The following ANPEP variants were observed in gnomAD, a reference collection of about 807,000 sequenced individuals.
ANPEP encodes the protein alanyl aminopeptidase, membrane.
ANPEP carries 70 observed loss-of-function variants against 114.6 expected under a neutral mutation model. That is an observed-to-expected ratio of 0.61 (90% CI 0.50 to 0.75). The LOEUF is 0.75. ANPEP is among the 30% of genes least tolerant of loss of function. The pLI, the probability that ANPEP is intolerant of heterozygous loss-of-function variation, is 0.00. For missense variants in ANPEP, 1,184 were observed against 1,259.5 expected (o/e 0.94, Z 0.91); for synonymous variants, 548 against 522.3 (o/e 1.05, Z -0.67).
rs771443990 is a variant in ANPEP, at chr15:89,792,118, G to T, written c.2528+42C>A. 4.4e-6 allele frequency: 7 copies of T among 1,586,688 alleles called. No individual in the cohort carries two copies. In the East Asian group the frequency reaches 6.7e-5, roughly 15 times the overall value. On this transcript the variant is annotated intron_variant, in intron 18 of 20. Transcript: ENST00000300060. ...TGGAGGCCTGCCTGGTTCTCCAGGTGGGGAGAGGGCTCTCGCAGTCCCACC... is the reference window on the plus strand; with the variant it reads ...TGGAGGCCTGCCTGGTTCTCCAGGTTGGGAGAGGGCTCTCGCAGTCCCACC...
intron 15 of ANPEP, among the ~76,000 whole-genome samples, chr15:89,794,145 A>C (rs548739637): frequency 6.6e-6 from 1 of 152,302 alleles, no homozygotes; most frequent in East Asian, 1.9e-4. Context: ...GAATCTGCAG[A>C]AGGGGAGACA....
rs1355312734 is a variant in ANPEP at position 89,806,386 on chromosome 15, G to C, written c.198C>G (p.Asp66Glu). ...TTNPASATTL[D>E]QSKAWNRYRL... ...GGTAACGATTCCACGCTTTACTTTG[G>C]TCCAAGGTGGTGGCCGAGGCGGGGT... Residue 66 changes from aspartate to glutamate, a missense_variant, in exon 2 of 21, where the codon GAC (aspartate) becomes GAG (glutamate). Coordinates refer to ENST00000300060, the MANE Select transcript of ANPEP (RefSeq NM_001150.3). The surrounding 1 kb of genome is among the most constrained non-coding windows in gnomAD (Gnocchi z 5.7). 3 of 1,614,148 alleles carry C rather than the reference G, an allele frequency of 1.9e-6. No individual in the cohort carries two copies. Among genetic ancestry groups the C allele is most frequent in the Admixed American group, 3.3e-5 (2 of 60,026 alleles).
intron 20 of ANPEP, among the ~76,000 whole-genome samples, chr15:89,788,375 G>T (rs972986699): frequency 6.6e-6 from 1 of 152,172 alleles, no homozygotes; most frequent in East Asian, 1.9e-4. Flanking sequence ...GACACAAAAA[G>T]GCTGTGTGTA....
chr15:89,800,432 T>A (rs1894563901), intron 12 of ANPEP, among the ~76,000 whole-genome samples: 1 of 152,134 alleles, frequency 6.6e-6, no homozygotes, highest in South Asian at 2.1e-4. Context: ...CCTTCCTTCA[T>A]CTGTAGCCTT....
chr15:89,804,572 C>A lies in ANPEP; in HGVS notation c.943G>T (p.Asp315Tyr), dbSNP rs765440489. 1.5e-5 allele frequency: 24 copies of A among 1,614,080 alleles called. No homozygotes were observed. Among genetic ancestry groups the A allele is most frequent in the Non-Finnish European group, 1.9e-5 (23 of 1,179,962 alleles). The change falls in exon 5 of 21, where the codon GAT becomes TAT. Residue 315 changes from aspartate (D) to tyrosine (Y), a missense_variant. Physicochemically the swap from Asp to Tyr is radical, Grantham distance 160. Coordinates refer to ENST00000300060, the MANE Select transcript of ANPEP (RefSeq NM_001150.3). ...RPSAIAAGHG[D>Y]YALNVTGPIL... ...GGGCCCGTCACGTTCAGGGCATAAT[C>A]GCCGTGGCCCGCCGCAATGGCACTG...
intron 1 of ANPEP, among the ~76,000 whole-genome samples, chr15:89,807,713 A>T (rs909079340): frequency 7.9e-5 from 12 of 152,312 alleles, no homozygotes; most frequent in African/African-American, 2.6e-4. Context: ...AAAGAAAAAA[A>T]TCGTTCCCTT....
At chr15:89,808,223 C>G (rs1430740983) in intron 1 of ANPEP, among the ~76,000 whole-genome samples, 1 of 152,206 alleles carries the variant, frequency 6.6e-6, no homozygotes, top group Non-Finnish European at 1.5e-5. Flanking sequence ...TTCCCTCTGC[C>G]TGGATCTTCT....
intron 2 of ANPEP, 110 bp downstream of exon 2, chr15:89,805,860 G>A (rs1894699844): frequency 2.1e-6 from 3 of 1,424,596 alleles, no homozygotes; most frequent in Non-Finnish European, 1.9e-6. Context: ...CCAGTCTCGG[G>A]CTCCACAGGG....
At chr15:89,814,239 T>G (rs1359632399) in intron 1 of ANPEP, among the ~76,000 whole-genome samples, 2 of 149,176 alleles carry the variant, frequency 1.3e-5, no homozygotes, top group Admixed American at 1.3e-4. Flanking sequence ...GCACCTAGAG[T>G]TCCCCTTCCT....
At chr15:89,801,632 G>A in intron 10 of ANPEP, 25 bp from the exon 11 acceptor site, 1 of 1,608,078 alleles carries the variant, frequency 6.2e-7, no homozygotes, top group South Asian at 1.1e-5. Flanking sequence ...AGAGGGCGTG[G>A]CCATCAGTGG....
chr15:89,814,705 C>A, intron 1 of ANPEP, 67 bp downstream of exon 1: 1 of 152,752 alleles, frequency 6.5e-6, no homozygotes, highest in South Asian at 2.0e-4. Context: ...TCCCTCGGTT[C>A]CCGCGCACCC....
At chr15:89,785,870 A>T (rs916752431) in intron 20 of ANPEP, among the ~76,000 whole-genome samples, 8 of 150,318 alleles carry the variant, frequency 5.3e-5, no homozygotes, top group South Asian at 2.1e-4. Context: ...AAATGGGTTT[A>T]AAAAAAAAAT....
chr15:89,792,941 G>T (rs1450022777), intron 16 of ANPEP, 94 bp downstream of exon 16: 17 of 1,114,546 alleles, frequency 1.5e-5, no homozygotes, highest in East Asian at 1.2e-4. Flanking sequence ...TGGTGCCCCC[G>T]CATTGAGAGC....
intron 1 of ANPEP, among the ~76,000 whole-genome samples, chr15:89,813,240 A>T (rs78019304): frequency 0.03 from 4,587 of 152,256 alleles, 108 homozygotes; most frequent in Middle Eastern, 0.048. Context: ...CAGGAACTGG[A>T]CCCAGTTCCA....
chr15:89,790,317 G>C, intron 20 of ANPEP, 143 bp downstream of exon 20: 2 of 645,268 alleles, frequency 3.1e-6, no homozygotes, highest in Non-Finnish European at 5.4e-6. Flanking sequence ...CCAAAGTCTG[G>C]CTACTCGGCT....
At position 89,803,087 on chromosome 15, in the gene ANPEP, C is replaced by G. The variant is rs1013773347; in HGVS notation, c.1569+152G>C. 1.1e-6 allele frequency: 1 copy of G among 884,614 alleles called. No homozygotes were observed. The highest frequency in any genetic ancestry group is 1.6e-5 in the African/African-American group (1 of 60,948). 54.8% of individuals were successfully genotyped at this position (884,614 alleles called of 1,614,324 possible). Reference sequence around the variant, plus strand: ...TTGCAAGGAGCCATCCCGGCTTCCACTATAGGGAGGAGCAACAGAGGCTCC... The same window carrying G: ...TTGCAAGGAGCCATCCCGGCTTCCAGTATAGGGAGGAGCAACAGAGGCTCC... On this transcript the variant is annotated intron_variant, in intron 10 of 20. Transcript: ENST00000300060. The surrounding 1 kb of genome is among the most constrained non-coding windows in gnomAD (Gnocchi z 4.2).
intron 6 of ANPEP, 72 bp from the exon 7 acceptor site, chr15:89,804,074 C>G (rs1039677292): frequency 1.3e-6 from 2 of 1,572,048 alleles, no homozygotes; most frequent in African/African-American, 2.7e-5. Context: ...ACTACCCTCC[C>G]CAGGGCTGGC....
At chr15:89,814,496 C>T (rs2141819644) in intron 1 of ANPEP, among the ~76,000 whole-genome samples, 1 of 152,266 alleles carries the variant, frequency 6.6e-6, no homozygotes, top group East Asian at 1.9e-4. Context: ...CCTCGCCCAC[C>T]CTGGGGCCCC....
chr15:89,799,523 CA>C lies in ANPEP; in HGVS notation c.1855del (p.Trp619GlyfsTer4). 1.2e-6 allele frequency: 2 copies of C among 1,614,204 alleles called. No individual in the cohort carries two copies. Among genetic ancestry groups the C allele is most frequent in the Non-Finnish European group, 8.5e-7 (1 of 1,180,042 alleles). On this transcript the variant is annotated frameshift_variant, in exon 13 of 21. Transcript: ENST00000300060. LOFTEE classifies it high-confidence loss of function. The surrounding 1 kb of genome is among the most constrained non-coding windows in gnomAD (Gnocchi z 4.2). Reference sequence around the variant, plus strand: ...CGTCACATTGAGGTTCAGCAGGACCCACTCATTGCCTGATGTGCTGAAGAGA... The same window carrying C: ...CGTCACATTGAGGTTCAGCAGGACCCCTCATTGCCTGATGTGCTGAAGAGA... ...NDLFSTSGNE[W>X]VLLNLNVTGY... is the part of the protein sequence containing the mutation.
Sources: gnomAD v4.1 joint callset for allele counts (sites outside exome capture counted in the v4.1 genomes callset) on GRCh38, gnomAD v4.1.1 for gene constraint, Gnocchi (gnomAD v3.1) non-coding constraint, MANE v1.5 for transcripts, NCBI Gene and HGNC (gene_info 2026-07-23, HGNC 2026-07-21) for gene names.